Variants in LGR6 observed in about 807,000 individuals in gnomAD.
The protein encoded by LGR6 is leucine rich repeat containing G protein-coupled receptor 6.
A neutral mutation model predicts 69.4 loss-of-function variants in LGR6; 45 were observed. The observed-to-expected ratio is 0.65, with a 90% confidence interval of 0.51 to 0.83. The LOEUF (loss-of-function observed/expected upper bound fraction) is 0.83, where lower values mean the gene tolerates loss of function less well. Ranked by LOEUF, LGR6 falls within the 40% of genes least tolerant of loss-of-function variation. The pLI is 0.00. For synonymous variants in LGR6, 538 were observed against 555.0 expected (o/e 0.97, Z 0.43); for missense variants, 1,108 against 1,246.7 (o/e 0.89, Z 1.68).
In LGR6 at chr1:202,194,160, G is replaced by A. The variant is rs765941624; in HGVS notation, c.171G>A (p.Leu57=). ...CTGCCGACTGCTCTGAGCTCGGGCT[G>A]TCCGCCGTTCCGGGGGACCTGGACC... ...MLSADCSELG[L]SAVPGDLDPL... The change falls in exon 1 of 18, where the codon CTG becomes CTA. Residue 57 remains leucine (L), a synonymous_variant. Coordinates refer to ENST00000367278, the MANE Select transcript of LGR6 (RefSeq NM_001017403.2). 6.4e-7 allele frequency: 1 copy of A among 1,573,560 alleles called. No homozygotes were observed. The highest frequency in any genetic ancestry group is 8.6e-7 in the Non-Finnish European group (1 of 1,168,750).
chr1:202,315,910 A>G (rs1654106182), intron 17 of LGR6, among the ~76,000 whole-genome samples: 1 of 152,258 alleles, frequency 6.6e-6, no homozygotes, highest in South Asian at 2.1e-4. Flanking sequence ...AAAACCAGTA[A>G]TCAGCAGGGA....
intron 3 of LGR6, among the ~76,000 whole-genome samples, chr1:202,228,265 A>C (rs530316580): frequency 2.6e-5 from 4 of 152,358 alleles, no homozygotes; most frequent in African/African-American, 9.6e-5. Flanking sequence ...AAAAAATTAA[A>C]GTGTATAATG....
At position 202,235,952 on chromosome 1, in the gene LGR6, C is replaced by G. The variant is rs745508830; in HGVS notation, c.387C>G (p.Ile129Met). The change falls in exon 4 of 18, where the codon ATC (isoleucine) becomes ATG (methionine). Residue 129 changes from isoleucine to methionine, a missense_variant. Physicochemically the swap from Ile to Met is conservative, Grantham distance 10. Coordinates refer to ENST00000367278, the MANE Select transcript of LGR6 (RefSeq NM_001017403.2). ...TGCAGAACAATCAGCTGGGAGGAAT[C>G]CCCGCAGAGGCGCTGTGGGAGCTGC... ...LMLQNNQLGG[I>M]PAEALWELPS... 1.5e-5 allele frequency: 24 copies of G among 1,613,896 alleles called. No individual in the cohort carries two copies. Among genetic ancestry groups the G allele is most frequent in the East Asian group, 2.2e-5 (1 of 44,892 alleles).
chr1:202,199,743 A>G (rs1658773833), intron 1 of LGR6, among the ~76,000 whole-genome samples: 1 of 152,156 alleles, frequency 6.6e-6, no homozygotes, highest in Non-Finnish European at 1.5e-5. Flanking sequence ...TCTCAGCTCC[A>G]CTGTTGATGA....
At chr1:202,204,557 T>C (rs1326441055) in intron 1 of LGR6, among the ~76,000 whole-genome samples, 7 of 75,990 alleles carry the variant, frequency 9.2e-5, no homozygotes, top group South Asian at 9.2e-4. Context: ...CACACACACC[T>C]CCAAACACAA....
intron 3 of LGR6, among the ~76,000 whole-genome samples, chr1:202,231,835 G>A (rs1236926734): frequency 2.6e-5 from 4 of 152,126 alleles, no homozygotes; most frequent in African/African-American, 4.8e-5. Context: ...GCTCATGCCT[G>A]TAATCCCAGC....
chr1:202,203,711 C>A, intron 1 of LGR6: 2 of 1,154,600 alleles, frequency 1.7e-6, no homozygotes, highest in Non-Finnish European at 2.6e-6. Flanking sequence ...CCAGATACTG[C>A]GTAGCAGGCG....
chr1:202,195,320 G>T (rs1658598876), intron 1 of LGR6, among the ~76,000 whole-genome samples: 1 of 152,210 alleles, frequency 6.6e-6, no homozygotes, highest in Admixed American at 6.5e-5. Flanking sequence ...GCAAGAATTT[G>T]TGGAACTAAA....
intron 6 of LGR6, among the ~76,000 whole-genome samples, chr1:202,287,693 C>A (rs1666492235): frequency 6.6e-6 from 1 of 152,172 alleles, no homozygotes; most frequent in Non-Finnish European, 1.5e-5. Flanking sequence ...ACCTTGGAGT[C>A]ATCCAAAACA....
chr1:202,193,807 AT>A lies in LGR6; in HGVS notation c.-182del, dbSNP rs2147879700. On this transcript the variant is annotated 5_prime_UTR_variant, in exon 1 of 18. The change abolishes an upstream ATG in the 5' untranslated region. Coordinates refer to ENST00000367278, the MANE Select transcript of LGR6 (RefSeq NM_001017403.2). ...ACTGAATAACGAAGATCACTCAACA[AT>A]GCCTGCCCCTCTCTGACTGCACCGT... 3.3e-6 allele frequency: 1 copy of A among 298,598 alleles called. No homozygotes were observed. The highest frequency in any genetic ancestry group is 5.2e-5 in the Admixed American group (1 of 19,362). The allele number at this position is 298,598 out of a possible 1,614,324, so 18.5% of individuals were successfully genotyped here.
rs1388213366 is a variant in LGR6 at position 202,268,544 on chromosome 1, C to T, written c.429-7762C>T. Among the ~76,000 whole-genome samples, 1 of 152,128 alleles carries T rather than the reference C, an allele frequency of 6.6e-6. No individual in the cohort carries two copies. Among genetic ancestry groups the T allele is most frequent in the Non-Finnish European group, 1.5e-5 (1 of 68,022 alleles). On this transcript the variant is annotated intron_variant, in intron 4 of 17. Coordinates refer to ENST00000367278, the MANE Select transcript of LGR6 (RefSeq NM_001017403.2). This position sits in a 1 kb window ranked among gnomAD's most constrained non-coding sequence, Gnocchi z 4.4. ...AGACTGAGATGTCCCCCTCCCCACC[C>T]ACATCTTTTCTCTATTCTCTCCCTT...
At chr1:202,220,675 G>A (rs1660091323) in intron 1 of LGR6, among the ~76,000 whole-genome samples, 1 of 152,212 alleles carries the variant, frequency 6.6e-6, no homozygotes, top group African/African-American at 2.4e-5. Flanking sequence ...CTACATGCAT[G>A]GTAAGTGCTC....
In LGR6 at chr1:202,319,275, G is replaced by C. The variant is rs771177914; in HGVS notation, c.*68G>C. The C allele has an allele frequency of 2.8e-6, 4 of 1,451,320 alleles. No homozygotes were observed. Among genetic ancestry groups the C allele is most frequent in the Non-Finnish European group, 3.7e-6 (4 of 1,092,334 alleles). The allele number at this position is 1,451,320 out of a possible 1,614,324, so 89.9% of individuals were successfully genotyped here. ...CTCTCCCCCTCGGTGAATGATGGCT[G>C]CTTCTAAAACAAATACAACCAAAAC... On this transcript the variant is annotated 3_prime_UTR_variant, in exon 18 of 18. Transcript: ENST00000367278.
intron 16 of LGR6, among the ~76,000 whole-genome samples, chr1:202,313,862 C>T (rs36019942): frequency 0.045 from 6,890 of 152,256 alleles, 202 homozygotes; most frequent in Non-Finnish European, 0.073. Context: ...AAATTATTCC[C>T]TTCTAGCTAG....
chr1:202,318,341 TC>T lies in LGR6; in HGVS notation c.2043del (p.Ser682ProfsTer10), dbSNP rs769213797. 6.3e-7 allele frequency: 1 copy of T among 1,595,966 alleles called. No individual in the cohort carries two copies. Among genetic ancestry groups the T allele is most frequent in the South Asian group, 1.1e-5 (1 of 87,618 alleles). On this transcript the variant is annotated frameshift_variant, in exon 18 of 18. Coordinates refer to ENST00000367278, the MANE Select transcript of LGR6 (RefSeq NM_001017403.2). LOFTEE classifies it low-confidence loss of function (END_TRUNC). The part of the protein sequence containing the change: ...SVSCVRAYGK[S>X]PSLGSVRAGV... ...CTCCTGTGTCCGGGCCTATGGGAAG[TC>T]CCCCTCCCTGGGCAGCGTTCGAGCA...
intron 6 of LGR6, among the ~76,000 whole-genome samples, chr1:202,283,181 A>G (rs1206203730): frequency 1.3e-5 from 2 of 151,974 alleles, no homozygotes; most frequent in African/African-American, 2.4e-5. Flanking sequence ...CTCCTTTCCC[A>G]TCTCCTCCTC....
intron 1 of LGR6, among the ~76,000 whole-genome samples, chr1:202,223,818 TG>T (rs1167663553): frequency 6.2e-5 from 7 of 112,946 alleles, no homozygotes; most frequent in Admixed American, 8.6e-5. Context: ...CAGTGTCCTG[TG>T]GGCAAGTGTC....
intron 4 of LGR6, among the ~76,000 whole-genome samples, chr1:202,256,049 C>G (rs1169245429): frequency 1.3e-5 from 2 of 152,292 alleles, no homozygotes; most frequent in East Asian, 3.9e-4. Flanking sequence ...TCTATCTCAT[C>G]TTCCCCCAGC....
rs550072243 is a variant in LGR6 at position 202,264,432 on chromosome 1, G to A, written c.429-11874G>A. 5.3e-5 allele frequency among the ~76,000 whole-genome samples: 8 copies of A among 152,198 alleles called. No individual in the cohort carries two copies. The East Asian group carries it at 1.5e-3, about 29-fold the overall frequency. The stretch of plus-strand genomic sequence containing the variant: ...GAAGCAAGTCGGGAAGATCTCCATC[G>A]GCCTCTTCCTCTACCAACCACAGCC... On this transcript the variant is annotated intron_variant, in intron 4 of 17. Transcript: ENST00000367278.
Sources: gnomAD v4.1 joint callset for allele counts (sites outside exome capture counted in the v4.1 genomes callset) on GRCh38, gnomAD v4.1.1 for gene constraint, Gnocchi (gnomAD v3.1) non-coding constraint, MANE v1.5 for transcripts, NCBI Gene and HGNC (gene_info 2026-07-23, HGNC 2026-07-21) for gene names.